The following MPRIP variants were observed in gnomAD, a reference collection of about 807,000 sequenced individuals.
The protein encoded by MPRIP is myosin phosphatase Rho-interacting protein.
Under a neutral mutation model 234.9 loss-of-function variants are expected in MPRIP, and 59 were observed. That is an observed-to-expected ratio of 0.25 (90% CI 0.20 to 0.31). The LOEUF (loss-of-function observed/expected upper bound fraction) is 0.31, where lower values mean the gene tolerates loss of function less well. Ranked by LOEUF, MPRIP falls within the 10% of genes least tolerant of loss-of-function variation. The probability of loss-of-function intolerance (pLI) is 1.00; values close to 1 mark genes in which losing one functional copy is unlikely to be tolerated. For missense variants in MPRIP, 2,436 were observed against 3,071.0 expected, an observed-to-expected ratio of 0.79 and a Z score of 4.89; for synonymous variants, 1,144 against 1,263.9, an observed-to-expected ratio of 0.91 and a Z score of 2.01.
chr17:17,137,457 T>C (rs1009180864), intron 6 of MPRIP, among the ~76,000 whole-genome samples: 1 of 147,784 alleles, frequency 6.8e-6, no homozygotes, highest in Admixed American at 7.0e-5. Flanking sequence ...GAGGTTGCAG[T>C]GAGCTGAGAT....
chr17:17,136,206 TCTC>T lies in MPRIP; in HGVS notation c.505-5_505-3del, dbSNP rs1402074120. 1 of 1,613,596 alleles carries T rather than the reference TCTC, an allele frequency of 6.2e-7. No homozygotes were observed. Among genetic ancestry groups the T allele is most frequent in the Non-Finnish European group, 8.5e-7 (1 of 1,180,000 alleles). Reference sequence around the variant, plus strand: ...TCCTGCACCTTCACAGACACCACTTTCTCCTCCTCCAGGAGCCTGGGCCTGCCA... The same window carrying T: ...TCCTGCACCTTCACAGACACCACTTTCTCCTCCAGGAGCCTGGGCCTGCCA... On this transcript the variant is annotated splice_polypyrimidine_tract_variant and intron_variant, in intron 5 of 23. Transcript: ENST00000651222.
In MPRIP at chr17:17,192,427, T is replaced by TTGGGGGGGG. The variant is rs56270914; in HGVS notation, c.*7533_*7534insTGGGGGGGG. 1.7e-3 allele frequency: 8 copies of TTGGGGGGGG among 4,814 alleles called. 4 individuals carry two copies. Among genetic ancestry groups the TTGGGGGGGG allele is most frequent in the Non-Finnish European group, 2.1e-3 (4 of 1,922 alleles). 0.3% of individuals were successfully genotyped at this position (4,814 alleles called of 1,614,324 possible). On this transcript the variant is annotated 3_prime_UTR_variant, in exon 24 of 24. Coordinates refer to ENST00000651222, the MANE Select transcript of MPRIP (RefSeq NM_001364716.4). ...ACCAGCTGAGCTGCTGCTTTTTTTT[T>TTGGGGGGGG]GGGGGGGGGGGGGGGAGGGGCGTCT...
intron 15 of MPRIP, among the ~76,000 whole-genome samples, chr17:17,163,779 G>C (rs57376511): frequency 6.6e-6 from 1 of 151,884 alleles, no homozygotes; most frequent in African/African-American, 2.4e-5. Context: ...TCTTCCTGGC[G>C]CTCTCTTGTC....
intron 1 of MPRIP, among the ~76,000 whole-genome samples, chr17:17,069,088 T>C (rs1358248954): frequency 6.6e-6 from 1 of 152,334 alleles, no homozygotes; most frequent in East Asian, 1.9e-4. Context: ...TAGTTTTAAC[T>C]TCACATAATT....
intron 3 of MPRIP, among the ~76,000 whole-genome samples, chr17:17,116,649 C>T (rs988736818): frequency 2.0e-4 from 31 of 152,380 alleles, no homozygotes; most frequent in Non-Finnish European, 2.5e-4. Flanking sequence ...CCCAGAATCA[C>T]AGGTCTGAGG....
At chr17:17,107,541 G>T (rs1267889623) in intron 3 of MPRIP, among the ~76,000 whole-genome samples, 1 of 152,224 alleles carries the variant, frequency 6.6e-6, no homozygotes, top group Non-Finnish European at 1.5e-5. Context: ...ATCATCTCAC[G>T]CAGCAGCTTC....
At chr17:17,180,571 GGT>G in intron 23 of MPRIP, 1 of 1,589,748 alleles carries the variant, frequency 6.3e-7, no homozygotes, top group Non-Finnish European at 8.6e-7. Context: ...GTTTGGGATT[GGT>G]TGTGTGTCTC....
intron 3 of MPRIP, among the ~76,000 whole-genome samples, chr17:17,119,252 G>C (rs1218845876): frequency 6.6e-6 from 1 of 152,262 alleles, no homozygotes; most frequent in Non-Finnish European, 1.5e-5. Context: ...ACCAGCCCAA[G>C]GGAGGAGGGA....
intron 13 of MPRIP, among the ~76,000 whole-genome samples, chr17:17,157,212 G>GCCTCCCCAGGAATC (rs1468030967): frequency 6.6e-6 from 1 of 152,200 alleles, no homozygotes; most frequent in Non-Finnish European, 1.5e-5. Context: ...TGCAGACGAG[G>GCCTCCCCAGGAATC]CCTCCCCAGG....
chr17:17,069,954 C>CT (rs1251304853), intron 1 of MPRIP, among the ~76,000 whole-genome samples: 1 of 152,138 alleles, frequency 6.6e-6, no homozygotes, highest in African/African-American at 2.4e-5. Flanking sequence ...AAAAACTTCT[C>CT]TTAGTTTTCC....
At chr17:17,050,123 C>T (rs898077878) in intron 1 of MPRIP, among the ~76,000 whole-genome samples, 6 of 152,038 alleles carry the variant, frequency 3.9e-5, no homozygotes, top group Non-Finnish European at 8.8e-5. Flanking sequence ...GTCAGGAGAT[C>T]GAGACCACGG....
At position 17,158,576 on chromosome 17, in the gene MPRIP, C is replaced by G; in HGVS notation, c.1974C>G (p.Ser658=). The change falls in exon 14 of 24, where the codon TCC becomes TCG. Residue 658 remains serine (S), a synonymous_variant. Coordinates refer to ENST00000651222, the MANE Select transcript of MPRIP (RefSeq NM_001364716.4). Reference sequence around the variant, plus strand: ...GGGAGCGGAGGCGAGAGGGCCGCTCCAAGACCTTTGACTGGGCTGAGTTCC... The same window carrying G: ...GGGAGCGGAGGCGAGAGGGCCGCTCGAAGACCTTTGACTGGGCTGAGTTCC... ...RARERRREGR[S]KTFDWAEFRP... 6.2e-7 allele frequency: 1 copy of G among 1,610,222 alleles called. No individual in the cohort carries two copies. Among genetic ancestry groups the G allele is most frequent in the Non-Finnish European group, 8.5e-7 (1 of 1,179,278 alleles).
rs945765041 is a variant in MPRIP at position 17,191,159 on chromosome 17, C to G, written c.*6265C>G. 2 of 152,168 alleles carry G rather than the reference C, an allele frequency of 1.3e-5. No homozygotes were observed. Among genetic ancestry groups the G allele is most frequent in the African/African-American group, 4.8e-5 (2 of 41,432 alleles). 9.4% of individuals were successfully genotyped at this position (152,168 alleles called of 1,614,324 possible). A position where few individuals can be genotyped will look rare whatever the true frequency, so the allele number is the denominator to read the frequency against. Reference sequence around the variant, plus strand: ...ATAGCCCTGTATCCATACATTGTTTCATTGAAAGAATTCTCTATTGCCTCT... The same window carrying G: ...ATAGCCCTGTATCCATACATTGTTTGATTGAAAGAATTCTCTATTGCCTCT... On this transcript the variant is annotated 3_prime_UTR_variant, in exon 24 of 24. Transcript: ENST00000651222.
intron 3 of MPRIP, among the ~76,000 whole-genome samples, chr17:17,081,960 T>C (rs2089472068): frequency 6.6e-6 from 1 of 152,140 alleles, no homozygotes; most frequent in South Asian, 2.1e-4. Flanking sequence ...CCTGAGAGAT[T>C]TGGCTGGGCC....
At chr17:17,086,693 A>G (rs934911910) in intron 3 of MPRIP, among the ~76,000 whole-genome samples, 3 of 152,176 alleles carry the variant, frequency 2.0e-5, no homozygotes, top group Non-Finnish European at 4.4e-5. Context: ...AGTGCTGTGA[A>G]AGTAGAGGGT....
rs1383333387 is a variant in MPRIP at position 17,158,415 on chromosome 17, A to G, written c.1830-17A>G. The G allele has an allele frequency of 6.5e-7, 1 of 1,534,906 alleles. No individual in the cohort carries two copies. Reference sequence around the variant, plus strand: ...GAGCCGCCCCTGACAGGCTATGTCCATCCTCCTGCCCCACAGCTCGTTGCC... The same window carrying G: ...GAGCCGCCCCTGACAGGCTATGTCCGTCCTCCTGCCCCACAGCTCGTTGCC... On this transcript the variant is annotated splice_polypyrimidine_tract_variant and intron_variant, in intron 13 of 23. Transcript: ENST00000651222.
In MPRIP at chr17:17,192,513, G is replaced by A. The variant is rs916406522; in HGVS notation, c.*7619G>A. 7.1e-6 allele frequency: 1 copy of A among 141,664 alleles called. No individual in the cohort carries two copies. The highest frequency in any genetic ancestry group is 1.5e-5 in the Non-Finnish European group (1 of 66,666). The allele number at this position is 141,664 out of a possible 1,614,324, so 8.8% of individuals were successfully genotyped here. ...ATCAACGATTCACTACAATTGAAGT[G>A]TTACTTTGTCAGAATATTTATTCCT... On this transcript the variant is annotated 3_prime_UTR_variant, in exon 24 of 24. Coordinates refer to ENST00000651222, the MANE Select transcript of MPRIP (RefSeq NM_001364716.4).
intron 3 of MPRIP, among the ~76,000 whole-genome samples, chr17:17,125,807 A>G (rs927156116): frequency 2.0e-5 from 3 of 152,184 alleles, no homozygotes; most frequent in Non-Finnish European, 4.4e-5. Context: ...AATGAGAACA[A>G]GGAAATGGTG....
At chr17:17,067,344 A>G (rs9898995) in intron 1 of MPRIP, among the ~76,000 whole-genome samples, 127,320 of 152,144 alleles carry the variant, frequency 0.84, 53,514 homozygotes, top group East Asian at 0.99. Context: ...TATGTATAAT[A>G]CTAGCTGGAT....
Sources: allele counts gnomAD v4.1 joint callset (sites outside exome capture counted in the v4.1 genomes callset), GRCh38; gene constraint gnomAD v4.1.1; transcripts MANE v1.5; gene names NCBI Gene and HGNC (gene_info 2026-07-23, HGNC 2026-07-21).